Variants in NRG1 observed in about 807,000 individuals in gnomAD.
The protein encoded by NRG1 is neuregulin 1.
In NRG1, 18 loss-of-function variants were observed where a neutral mutation model predicts 63.8. The observed-to-expected ratio is 0.28, with a 90% CI of 0.19 to 0.42. The LOEUF (loss-of-function observed/expected upper bound fraction) is 0.42, where lower values mean the gene tolerates loss of function less well. Ranked by LOEUF, NRG1 falls within the 10% of genes least tolerant of loss-of-function variation. The pLI is 1.00. For synonymous variants in NRG1, 302 were observed against 301.3 expected (o/e 1.00, Z -0.02); for missense variants, 762 against 814.7 (o/e 0.94, Z 0.79).
At chr8:31,935,557 TC>T (rs1835232475) in intron 1 of NRG1, among the ~76,000 whole-genome samples, 3 of 152,174 alleles carry the variant, frequency 2.0e-5, no homozygotes, top group Non-Finnish European at 4.4e-5. Flanking sequence ...TGTGTCAGCC[TC>T]TCATTGTTTT....
chr8:32,021,473 A>G (rs1422416855), intron 1 of NRG1, among the ~76,000 whole-genome samples: 3 of 152,196 alleles, frequency 2.0e-5, no homozygotes, highest in Admixed American at 2.0e-4. Context: ...TACTACCAGA[A>G]GAACAACACC....
At chr8:32,002,559 C>T (rs115142155) in intron 1 of NRG1, among the ~76,000 whole-genome samples, 5,349 of 151,712 alleles carry the variant, frequency 0.035, 303 homozygotes, top group African/African-American at 0.12. Flanking sequence ...CTTTCTGGAA[C>T]GACATGATTC....
At chr8:32,102,946 A>T (rs1463894527) in intron 1 of NRG1, among the ~76,000 whole-genome samples, 1 of 152,124 alleles carries the variant, frequency 6.6e-6, no homozygotes, top group Non-Finnish European at 1.5e-5. Context: ...TTTATGGGGT[A>T]TGTGAGATAT....
intron 1 of NRG1, among the ~76,000 whole-genome samples, chr8:31,820,963 G>A (rs1276337584): frequency 6.6e-6 from 1 of 152,114 alleles, no homozygotes; most frequent in Non-Finnish European, 1.5e-5. Context: ...ATGTCCCAGA[G>A]ATACCAAAAT....
In NRG1 at chr8:32,364,075, CTTTTTTTTTTTT is replaced by C. The variant is rs932903875; in HGVS notation, c.38-231740_38-231729del. Among the ~76,000 whole-genome samples the C allele has an allele frequency of 2.4e-4, 16 of 65,520 alleles. 2 individuals are homozygous for C. The Admixed American group carries it at 2.6e-3, about 11-fold the overall frequency. The allele number at this position is 65,520 out of a possible 152,430, so 43.0% of individuals were successfully genotyped here. The stretch of plus-strand genomic sequence containing the variant: ...ACACTTTGGCGTACTTCTGACTAGT[CTTTTTTTTTTTT>C]TTTTTTTTTTTTGCTGGTGTTTCAA... On this transcript the variant is annotated intron_variant, in intron 1 of 10. Coordinates refer to the NRG1 transcript ENST00000519301.
At chr8:32,218,132 A>G (rs979617705) in intron 1 of NRG1, among the ~76,000 whole-genome samples, 2 of 152,170 alleles carry the variant, frequency 1.3e-5, no homozygotes, top group African/African-American at 4.8e-5. Context: ...TGAGAAACCT[A>G]ATTCTTGCTG....
At chr8:32,587,374 C>T (rs1253962467) in intron 1 of NRG1, among the ~76,000 whole-genome samples, 1 of 152,104 alleles carries the variant, frequency 6.6e-6, no homozygotes, top group Non-Finnish European at 1.5e-5. Context: ...TTTGAGAGTC[C>T]TCCAACAGTG....
intron 7 of NRG1, among the ~76,000 whole-genome samples, chr8:32,751,775 T>C (rs776359308): frequency 1.7e-4 from 26 of 152,212 alleles, no homozygotes; most frequent in Admixed American, 3.3e-4. Flanking sequence ...ATCATTTTAC[T>C]GGAAAATGTG....
intron 4 of NRG1, among the ~76,000 whole-genome samples, chr8:32,615,084 T>G (rs913660279): frequency 6.6e-6 from 1 of 152,144 alleles, no homozygotes; most frequent in Non-Finnish European, 1.5e-5. Flanking sequence ...TTTTGGTTGG[T>G]TTCTCACTTG....
At chr8:32,463,871 A>G (rs1822657007) in intron 1 of NRG1, among the ~76,000 whole-genome samples, 1 of 80,506 alleles carries the variant, frequency 1.2e-5, no homozygotes, top group Non-Finnish European at 2.7e-5. Context: ...AAAACTTAGA[A>G]TTCTTTTTTT....
At chr8:32,323,149 T>C (rs939394839) in intron 1 of NRG1, among the ~76,000 whole-genome samples, 5 of 152,278 alleles carry the variant, frequency 3.3e-5, no homozygotes, top group South Asian at 4.1e-4. Context: ...CTGATTCCTA[T>C]GTAAAGAAGA....
intron 1 of NRG1, among the ~76,000 whole-genome samples, chr8:31,947,877 C>T (rs1411299105): frequency 6.4e-5 from 8 of 124,076 alleles, no homozygotes; most frequent in African/African-American, 2.5e-4. Flanking sequence ...GCCCAAGAGG[C>T]AAAGTTGCAG....
intron 1 of NRG1, among the ~76,000 whole-genome samples, chr8:32,374,932 A>G (rs1481861795): frequency 6.6e-6 from 1 of 152,118 alleles, no homozygotes; most frequent in Non-Finnish European, 1.5e-5. Flanking sequence ...GCAGAACCCT[A>G]AGAACGGATA....
intron 5 of NRG1, among the ~76,000 whole-genome samples, chr8:32,704,971 T>A (rs951139022): frequency 1.3e-5 from 2 of 152,160 alleles, no homozygotes; most frequent in Non-Finnish European, 2.9e-5. Context: ...CTGAAAATAT[T>A]AGTTTGACTT....
At chr8:32,092,349 C>G (rs1238780831) in intron 1 of NRG1, among the ~76,000 whole-genome samples, 2 of 148,572 alleles carry the variant, frequency 1.3e-5, no homozygotes, top group African/African-American at 2.5e-5. Context: ...AACAGCTGCT[C>G]AAGAGGCTGA....
intron 1 of NRG1, among the ~76,000 whole-genome samples, chr8:32,219,453 A>G (rs1845583428): frequency 6.6e-6 from 1 of 152,166 alleles, no homozygotes; most frequent in Admixed American, 6.5e-5. Flanking sequence ...TACTAAAATC[A>G]CTGTCATTTC....
intron 1 of NRG1, among the ~76,000 whole-genome samples, chr8:31,944,454 ACTCTAGACCTTCTGG>A (rs951426751): frequency 9.9e-5 from 15 of 152,164 alleles, no homozygotes; most frequent in African/African-American, 3.4e-4. Flanking sequence ...CTGGGATTCA[ACTCTAGACCTTCTGG>A]CTCTAGCTCT....
intron 1 of NRG1, among the ~76,000 whole-genome samples, chr8:31,821,430 G>A (rs2134619): frequency 0.75 from 113,799 of 152,088 alleles, 43,048 homozygotes; most frequent in East Asian, 0.99. Context: ...AACTACAAGC[G>A]TCATGGCTAT....
chr8:32,145,101 C>T (rs1026807552), intron 1 of NRG1, among the ~76,000 whole-genome samples: 11 of 152,128 alleles, frequency 7.2e-5, no homozygotes, highest in African/African-American at 2.4e-4. Flanking sequence ...TAGCCAACCA[C>T]GTGGAAAAAA....
Sources: allele counts gnomAD v4.1 joint callset (sites outside exome capture counted in the v4.1 genomes callset), GRCh38; gene constraint gnomAD v4.1.1; transcripts MANE v1.5; gene names NCBI Gene and HGNC (gene_info 2026-07-23, HGNC 2026-07-21).